The following PRKN variants were observed in gnomAD, a reference collection of about 807,000 sequenced individuals.
The protein encoded by PRKN is E3 ubiquitin-protein ligase parkin.
A neutral mutation model predicts 59.5 loss-of-function variants in PRKN; 56 were observed. That is an observed-to-expected ratio of 0.94 (90% CI 0.76 to 1.18). PRKN has a LOEUF of 1.18. Among genes scored for constraint, PRKN ranks in the 50% most tolerant of loss-of-function variants. The pLI is 0.00. For synonymous variants in PRKN, 250 were observed against 222.1 expected (o/e 1.13, Z -1.12); for missense variants, 657 against 596.4 (o/e 1.10, Z -1.06).
In PRKN at chr6:162,727,715, C is replaced by A; in HGVS notation, c.-47G>T. ...TGCGGGCCAGGAACAGGCCCATGCG[C>A]GCAGCGGCGCCAGCCGCGCCTCCCA... On this transcript the variant is annotated 5_prime_UTR_variant, in exon 1 of 12. Transcript: ENST00000366898. 6.4e-7 allele frequency: 1 copy of A among 1,551,662 alleles called. No individual in the cohort carries two copies. The highest frequency in any genetic ancestry group is 8.7e-7 in the Non-Finnish European group (1 of 1,147,300).
At chr6:162,254,712 C>T (rs1247204755) in intron 3 of PRKN, among the ~76,000 whole-genome samples, 4 of 152,134 alleles carry the variant, frequency 2.6e-5, no homozygotes, top group African/African-American at 9.7e-5. Context: ...GTTAAGCCCC[C>T]TGTGACCTAT....
At position 161,567,032 on chromosome 6, in the gene PRKN, T is replaced by TG. The variant is rs1357252934; in HGVS notation, c.933+2322_933+2323insC. Among the ~76,000 whole-genome samples the TG allele has an allele frequency of 1.8e-3, 218 of 118,730 alleles. 4 individuals carry two copies. Among genetic ancestry groups the TG allele is most frequent in the Middle Eastern group, 7.9e-3 (2 of 254 alleles). The allele number at this position is 118,730 out of a possible 152,430, so 77.9% of individuals were successfully genotyped here. A position where few individuals can be genotyped will look rare whatever the true frequency, so the allele number is the denominator to read the frequency against. ...GTATTCACTGTCCTTGTTTTTTTTT[T>TG]TTTTTTGTGTGTGTGTGTGTGTGTG... On this transcript the variant is annotated intron_variant, in intron 8 of 11. Coordinates refer to ENST00000366898, the MANE Select transcript of PRKN (RefSeq NM_004562.3).
Position 161,463,598 on chromosome 6 carries a change from C to A in PRKN, c.1084-76721G>T, listed in dbSNP as rs1886237. On this transcript the variant is annotated intron_variant, in intron 9 of 11. Transcript: ENST00000366898. The surrounding 1 kb of genome is among the most constrained non-coding windows in gnomAD (Gnocchi z 4.8). ...TTGATATCCAGATATGGAGTATTCCCATTTCTTGGTTCCCATGGACTGAAA... is the reference window on the plus strand; with the variant it reads ...TTGATATCCAGATATGGAGTATTCCAATTTCTTGGTTCCCATGGACTGAAA... Among the ~76,000 whole-genome samples the A allele has an allele frequency of 0.63, 96,333 of 152,010 alleles. 33,059 individuals are homozygous for A. Among genetic ancestry groups the A allele is most frequent in the African/African-American group, 0.91 (37,752 of 41,524 alleles).
intron 2 of PRKN, among the ~76,000 whole-genome samples, chr6:162,404,621 TG>T (rs1421448160): frequency 6.6e-6 from 1 of 151,526 alleles, no homozygotes; most frequent in Non-Finnish European, 1.5e-5. Flanking sequence ...GGTACAATCT[TG>T]GCTCACTGCA....
intron 1 of PRKN, among the ~76,000 whole-genome samples, chr6:162,674,687 G>A (rs1234639517): frequency 6.6e-6 from 1 of 152,182 alleles, no homozygotes; most frequent in Admixed American, 6.5e-5. Flanking sequence ...AGTTTGGGCT[G>A]ATAATGACAT....
chr6:162,254,605 A>G (rs1472777675), intron 3 of PRKN, among the ~76,000 whole-genome samples: 1 of 152,164 alleles, frequency 6.6e-6, no homozygotes, highest in African/African-American at 2.4e-5. Flanking sequence ...CACTTAGAAT[A>G]AGAGCTGTGT....
intron 4 of PRKN, among the ~76,000 whole-genome samples, chr6:162,118,888 T>C (rs1780788895): frequency 2.0e-5 from 3 of 152,174 alleles, no homozygotes; most frequent in Non-Finnish European, 4.4e-5. Flanking sequence ...AGAGCACACA[T>C]AGACTTGCGT....
At position 162,151,886 on chromosome 6, in the gene PRKN, T is replaced by C. The variant is rs530285397; in HGVS notation, c.534+49245A>G. On this transcript the variant is annotated intron_variant, in intron 4 of 11. Coordinates refer to ENST00000366898, the MANE Select transcript of PRKN (RefSeq NM_004562.3). Reference sequence around the variant, plus strand: ...ACATAAACTGCCCAGAGTTACAGGATAATTAATTTACACTGATTATTTTAC... The same window carrying C: ...ACATAAACTGCCCAGAGTTACAGGACAATTAATTTACACTGATTATTTTAC... Among the ~76,000 whole-genome samples, 5 of 135,900 alleles carry C rather than the reference T, an allele frequency of 3.7e-5. No individual in the cohort carries two copies. In the South Asian group the frequency reaches 1.1e-3, roughly 30 times the overall value. 89.2% of individuals were successfully genotyped at this position (135,900 alleles called of 152,430 possible).
At chr6:161,646,555 G>A (rs990496787) in intron 7 of PRKN, among the ~76,000 whole-genome samples, 3 of 150,328 alleles carry the variant, frequency 2.0e-5, no homozygotes, top group Non-Finnish European at 3.0e-5. Flanking sequence ...CGGAGGAGGT[G>A]GCGTGTCAGT....
At chr6:162,726,625 T>C (rs928397651) in intron 1 of PRKN, among the ~76,000 whole-genome samples, 5 of 152,186 alleles carry the variant, frequency 3.3e-5, no homozygotes, top group Non-Finnish European at 7.3e-5. Flanking sequence ...ATGTAAGAAG[T>C]GTTTTCAGTG....
intron 1 of PRKN, among the ~76,000 whole-genome samples, chr6:162,503,085 T>C (rs1361154041): frequency 8.6e-5 from 13 of 151,668 alleles, no homozygotes; most frequent in Admixed American, 8.6e-4. Flanking sequence ...GATCATGTAT[T>C]ATTATTCCTC....
rs1483527615 is a variant in PRKN, at chr6:161,362,178, TGA to T, written c.1168-1975_1168-1974del. On this transcript the variant is annotated intron_variant, in intron 10 of 11. Transcript: ENST00000366898. The surrounding 1 kb of genome is among the most constrained non-coding windows in gnomAD (Gnocchi z 5.2). ...TTTTAGCAACATGGCATACTGCATGTGAAGGGCAATTTCTCCCAGGTCCACAC... is the reference window on the plus strand; with the variant it reads ...TTTTAGCAACATGGCATACTGCATGTAGGGCAATTTCTCCCAGGTCCACAC... Among the ~76,000 whole-genome samples, 2 of 152,176 alleles carry T rather than the reference TGA, an allele frequency of 1.3e-5. No homozygotes were observed. Among genetic ancestry groups the T allele is most frequent in the Non-Finnish European group, 2.9e-5 (2 of 68,034 alleles).
intron 6 of PRKN, among the ~76,000 whole-genome samples, chr6:161,862,027 G>A (rs892189575): frequency 6.6e-6 from 1 of 152,016 alleles, no homozygotes; most frequent in African/African-American, 2.4e-5. Flanking sequence ...CCTGGATTTG[G>A]GCCACATCAC....
At chr6:161,943,719 A>G (rs1779652832) in intron 6 of PRKN, among the ~76,000 whole-genome samples, 1 of 151,482 alleles carries the variant, frequency 6.6e-6, no homozygotes, top group East Asian at 2.0e-4. Context: ...CTGAGGGATC[A>G]GCCTGAGGAA....
chr6:162,134,738 T>G (rs1781502028), intron 4 of PRKN, among the ~76,000 whole-genome samples: 1 of 152,052 alleles, frequency 6.6e-6, no homozygotes, highest in Non-Finnish European at 1.5e-5. Context: ...CATGGAGAAT[T>G]GATTGGAAAA....
intron 2 of PRKN, among the ~76,000 whole-genome samples, chr6:162,284,439 G>C (rs1372548724): frequency 6.6e-6 from 1 of 151,828 alleles, no homozygotes; most frequent in South Asian, 2.1e-4. Flanking sequence ...GGTCAGGCTG[G>C]TCTCAAACTC....
chr6:161,518,252 C>T lies in PRKN; in HGVS notation c.1083+30602G>A, dbSNP rs1176257976. Among the ~76,000 whole-genome samples, 1 of 152,244 alleles carries T rather than the reference C, an allele frequency of 6.6e-6. No homozygotes were observed. The highest frequency in any genetic ancestry group is 6.5e-5 in the Admixed American group (1 of 15,288). On this transcript the variant is annotated intron_variant, in intron 9 of 11. Coordinates refer to ENST00000366898, the MANE Select transcript of PRKN (RefSeq NM_004562.3). This position sits in a 1 kb window ranked among gnomAD's most constrained non-coding sequence, Gnocchi z 5.0. ...GGACTGCCCCCACCCTGCATATCTG[C>T]TGGCGCTGAAATTCTCTCAGGACAG...
In PRKN at chr6:162,501,137, A is replaced by G. The variant is rs374374224; in HGVS notation, c.8-57664T>C. Among the ~76,000 whole-genome samples, 99 of 152,272 alleles carry G rather than the reference A, an allele frequency of 6.5e-4. No individual in the cohort carries two copies. In the East Asian group the frequency reaches 0.017, roughly 26 times the overall value. The stretch of plus-strand genomic sequence containing the variant: ...ACACCTCTGTAGTCCAGCCTGGGCA[A>G]CACGGCAAGACTCTATCTCTAATAA... On this transcript the variant is annotated intron_variant, in intron 1 of 11. Transcript: ENST00000366898.
intron 6 of PRKN, among the ~76,000 whole-genome samples, chr6:161,878,165 G>A (rs901316009): frequency 6.6e-6 from 1 of 152,112 alleles, no homozygotes; most frequent in African/African-American, 2.4e-5. Context: ...AAAATGAAAC[G>A]TATTTGCTGA....
Sources: gnomAD v4.1 joint callset for allele counts (sites outside exome capture counted in the v4.1 genomes callset) on GRCh38, gnomAD v4.1.1 for gene constraint, Gnocchi (gnomAD v3.1) non-coding constraint, MANE v1.5 for transcripts, NCBI Gene and HGNC (gene_info 2026-07-23, HGNC 2026-07-21) for gene names.